Variants in VTI1A observed in about 807,000 individuals in gnomAD.
VTI1A encodes vesicle transport through interaction with t-SNAREs homolog 1A.
A neutral mutation model predicts 34.9 loss-of-function variants in VTI1A; 22 were observed. That is an observed-to-expected ratio of 0.63 (90% CI 0.45 to 0.90). VTI1A has a LOEUF of 0.90. Among genes scored for constraint, VTI1A ranks in the 40% least tolerant of loss-of-function variants. The pLI is 0.00. For synonymous variants in VTI1A, 87 were observed against 97.3 expected (o/e 0.89, Z 0.62); for missense variants, 268 against 275.6 (o/e 0.97, Z 0.20).
intron 7 of VTI1A, among the ~76,000 whole-genome samples, chr10:112,765,471 A>G (rs1277456516): frequency 3.3e-5 from 5 of 152,162 alleles, no homozygotes; most frequent in African/African-American, 7.2e-5. Context: ...CGGCCTCCCA[A>G]AGTGCTGAGA....
chr10:112,588,763 T>C (rs777823777), intron 5 of VTI1A, among the ~76,000 whole-genome samples: 9 of 152,226 alleles, frequency 5.9e-5, no homozygotes, highest in Admixed American at 2.0e-4. Flanking sequence ...TAATGTATTA[T>C]AGTAAATGTG....
chr10:112,811,091 T>G (rs1482493974), intron 7 of VTI1A, among the ~76,000 whole-genome samples: 2 of 152,190 alleles, frequency 1.3e-5, no homozygotes, highest in East Asian at 3.9e-4. Context: ...TAAAAGAGCT[T>G]ATGGTATTCG....
rs558691848 is a variant in VTI1A, at chr10:112,713,759, A to T, written c.560+44761A>T. ...ATTATCAGTGATGTTTTCAGTTAAT[A>T]ACTTAAGAATCAAGTTTTTAAGGAA... is the stretch of plus-strand genomic sequence containing the variant. On this transcript the variant is annotated intron_variant, in intron 7 of 7. Coordinates refer to ENST00000393077, the MANE Select transcript of VTI1A (RefSeq NM_145206.4). Among the ~76,000 whole-genome samples, 23 of 152,350 alleles carry T rather than the reference A, an allele frequency of 1.5e-4. No individual in the cohort carries two copies. The South Asian group carries it at 4.8e-3, about 32-fold the overall frequency.
At chr10:112,797,762 G>A (rs1187109493) in intron 7 of VTI1A, among the ~76,000 whole-genome samples, 1 of 151,998 alleles carries the variant, frequency 6.6e-6, no homozygotes, top group Non-Finnish European at 1.5e-5. Flanking sequence ...GGTCCCAAAA[G>A]GAATTAGAGC....
At chr10:112,552,256 C>G (rs902426327) in intron 5 of VTI1A, among the ~76,000 whole-genome samples, 1 of 152,102 alleles carries the variant, frequency 6.6e-6, no homozygotes, top group Admixed American at 6.5e-5. Context: ...TGAATATTTC[C>G]CCAAATGCCA....
At chr10:112,804,923 C>T (rs1209721261) in intron 7 of VTI1A, among the ~76,000 whole-genome samples, 9 of 128,838 alleles carry the variant, frequency 7.0e-5, no homozygotes, top group Admixed American at 2.9e-4. Flanking sequence ...TGCAGTCGTG[C>T]GATCACAGGT....
At position 112,818,510 on chromosome 10, in the gene VTI1A, C is replaced by T. The variant is rs923309158; in HGVS notation, c.*3127C>T. 7 of 226,742 alleles carry T rather than the reference C, an allele frequency of 3.1e-5. No homozygotes were observed. The highest frequency in any genetic ancestry group is 6.3e-5 in the East Asian group (1 of 15,768). 14.0% of individuals were successfully genotyped at this position (226,742 alleles called of 1,614,324 possible). On this transcript the variant is annotated 3_prime_UTR_variant, in exon 8 of 8. Coordinates refer to ENST00000393077, the MANE Select transcript of VTI1A (RefSeq NM_145206.4). ...TCAGATCATTTCAGTATTTCAAATCCGAGGAAAACAGCCTGCCTGCTGCTG... is the reference window on the plus strand; with the variant it reads ...TCAGATCATTTCAGTATTTCAAATCTGAGGAAAACAGCCTGCCTGCTGCTG...
chr10:112,739,144 T>C (rs1850601081), intron 7 of VTI1A, among the ~76,000 whole-genome samples: 1 of 152,186 alleles, frequency 6.6e-6, no homozygotes, highest in African/African-American at 2.4e-5. Flanking sequence ...CATACTTGTG[T>C]GTGTGGAGAG....
At chr10:112,552,954 A>G (rs1469060697) in intron 5 of VTI1A, among the ~76,000 whole-genome samples, 1 of 152,196 alleles carries the variant, frequency 6.6e-6, no homozygotes, top group Non-Finnish European at 1.5e-5. Context: ...TCAGCAGGTT[A>G]CAAAGGTGTA....
At chr10:112,844,892 C>A in the VTI1A span, among the ~76,000 whole-genome samples, 1 of 152,040 alleles carries the variant, frequency 6.6e-6, no homozygotes, top group African/African-American at 2.4e-5. Flanking sequence ...TTATTGTTGG[C>A]AAGAAAAGGC....
chr10:112,478,980 A>G lies in VTI1A; in HGVS notation c.264+14323A>G, dbSNP rs535735536. Among the ~76,000 whole-genome samples, 496 of 152,238 alleles carry G rather than the reference A, an allele frequency of 3.3e-3. 2 individuals carry two copies. Among genetic ancestry groups the G allele is most frequent in the Non-Finnish European group, 5.4e-3 (369 of 68,000 alleles). ...TCAAGAGATCGAGACCATCCTGGCC[A>G]ACATGGTGAAACCCTGTCTGTACTA... On this transcript the variant is annotated intron_variant, in intron 3 of 7. Coordinates refer to ENST00000393077, the MANE Select transcript of VTI1A (RefSeq NM_145206.4).
intron 7 of VTI1A, among the ~76,000 whole-genome samples, chr10:112,689,277 G>A (rs1263170364): frequency 6.6e-6 from 1 of 152,184 alleles, no homozygotes; most frequent in African/African-American, 2.4e-5. Flanking sequence ...AAGGCTCCAT[G>A]CATTGTCTTC....
intron 5 of VTI1A, among the ~76,000 whole-genome samples, chr10:112,543,699 C>T (rs181891099): frequency 9.8e-5 from 15 of 152,304 alleles, no homozygotes; most frequent in African/African-American, 3.6e-4. Context: ...TCCCGTTTGT[C>T]AATTTTGGCT....
At chr10:112,791,737 C>G (rs1040568151) in intron 7 of VTI1A, among the ~76,000 whole-genome samples, 1 of 152,046 alleles carries the variant, frequency 6.6e-6, no homozygotes, top group Non-Finnish European at 1.5e-5. Context: ...ACAGCACCCC[C>G]TCACTTTGGG....
chr10:112,670,333 G>A (rs138220827), intron 7 of VTI1A, among the ~76,000 whole-genome samples: 1 of 151,940 alleles, frequency 6.6e-6, no homozygotes, highest in African/African-American at 2.4e-5. Flanking sequence ...CATTTTTAGT[G>A]TAAAAAAAAT....
intron 7 of VTI1A, among the ~76,000 whole-genome samples, chr10:112,694,440 C>T (rs549320124): frequency 5.9e-5 from 9 of 151,990 alleles, no homozygotes; most frequent in East Asian, 5.8e-4. Context: ...AAAGAACAGA[C>T]GAGCTGTGAC....
chr10:112,564,951 A>G (rs12254971), intron 5 of VTI1A, among the ~76,000 whole-genome samples: 17,799 of 152,100 alleles, frequency 0.12, 1,643 homozygotes, highest in East Asian at 0.27. Context: ...ACTTACATGT[A>G]TATTTACCTC....
At chr10:112,770,053 ATT>A (rs56067514) in intron 7 of VTI1A, among the ~76,000 whole-genome samples, 1 of 145,502 alleles carries the variant, frequency 6.9e-6, no homozygotes, top group Admixed American at 6.9e-5. Context: ...GTTGGCAACG[ATT>A]TTTTTTTTTT....
the VTI1A span, among the ~76,000 whole-genome samples, chr10:112,843,247 C>T: frequency 6.6e-6 from 1 of 152,226 alleles, no homozygotes; most frequent in Non-Finnish European, 1.5e-5. Flanking sequence ...CAGGCTTCTC[C>T]CCTGAGATGC....
Sources: gnomAD v4.1 joint callset for allele counts (sites outside exome capture counted in the v4.1 genomes callset) on GRCh38, gnomAD v4.1.1 for gene constraint, MANE v1.5 for transcripts, NCBI Gene and HGNC (gene_info 2026-07-23, HGNC 2026-07-21) for gene names.